Variants in CSMD1 observed in about 807,000 individuals in gnomAD.
The protein encoded by CSMD1 is CUB and sushi domain-containing protein 1.
CSMD1 carries 213 observed loss-of-function variants against 417.5 expected under a neutral mutation model. The observed-to-expected ratio is 0.51, with a 90% CI of 0.46 to 0.57. The LOEUF (loss-of-function observed/expected upper bound fraction) is 0.57. Among genes scored for constraint, CSMD1 ranks in the 20% least tolerant of loss-of-function variants. The probability of loss-of-function intolerance (pLI) is 0.00; values close to 1 mark genes in which losing one functional copy is unlikely to be tolerated. For synonymous variants in CSMD1, 2,862 were observed against 1,736.8 expected (o/e 1.65, Z -16.11); for missense variants, 6,923 against 4,529.7 (o/e 1.53, Z -15.17).
intron 2 of CSMD1, among the ~76,000 whole-genome samples, chr8:4,511,113 A>C (rs972818991): frequency 1.3e-5 from 2 of 152,260 alleles, no homozygotes; most frequent in African/African-American, 4.8e-5. Context: ...AGATGTGAAC[A>C]GAATACCAAC....
chr8:4,490,350 G>C (rs1801639918), intron 2 of CSMD1, among the ~76,000 whole-genome samples: 1 of 152,096 alleles, frequency 6.6e-6, no homozygotes, highest in Admixed American at 6.6e-5. Context: ...CAGATATCTT[G>C]TAAGTGCAAC....
intron 15 of CSMD1, among the ~76,000 whole-genome samples, 171 bp downstream of exon 15, chr8:3,405,856 C>A (rs565749807): frequency 1.3e-5 from 2 of 152,200 alleles, no homozygotes; most frequent in Non-Finnish European, 2.9e-5. Flanking sequence ...GGATCTCAGA[C>A]TTCCAGCCTC....
In CSMD1 at chr8:4,217,288, A is replaced by G. The variant is rs191517345; in HGVS notation, c.416-185189T>C. ...TTGCAGAAGTCTTTCATATAAGCCA[A>G]GTGTCCATGCAAGCACTGTGAATCC... On this transcript the variant is annotated intron_variant, in intron 3 of 69. Transcript: ENST00000635120. 3.9e-5 allele frequency among the ~76,000 whole-genome samples: 6 copies of G among 152,366 alleles called. No individual in the cohort carries two copies. The East Asian group carries it at 1.2e-3, about 29-fold the overall frequency.
chr8:2,994,506 G>A (rs1263805363), intron 54 of CSMD1, among the ~76,000 whole-genome samples: 2 of 152,152 alleles, frequency 1.3e-5, no homozygotes, highest in African/African-American at 2.4e-5. Context: ...ACACGCCATC[G>A]TGCCCACTCA....
At chr8:3,893,364 A>AT (rs981765512) in intron 5 of CSMD1, among the ~76,000 whole-genome samples, 1 of 37,678 alleles carries the variant, frequency 2.7e-5, no homozygotes. Context: ...TATATATATT[A>AT]TTTTTTTTCT....
At chr8:3,500,404 T>A (rs10097116) in intron 10 of CSMD1, among the ~76,000 whole-genome samples, 11,519 of 152,066 alleles carry the variant, frequency 0.076, 457 homozygotes, top group Middle Eastern at 0.099. Flanking sequence ...GTATGGAGCT[T>A]GGGAGAGGTT....
At chr8:4,258,549 TGGAGGGAG>T (rs1290915678) in intron 3 of CSMD1, among the ~76,000 whole-genome samples, 2 of 97,722 alleles carry the variant, frequency 2.0e-5, no homozygotes, top group Non-Finnish European at 4.4e-5. Context: ...AGTGGAACAA[TGGAGGGAG>T]GGAGGGAGGG....
intron 3 of CSMD1, among the ~76,000 whole-genome samples, chr8:4,281,611 A>C (rs573761946): frequency 6.6e-6 from 1 of 152,196 alleles, no homozygotes; most frequent in African/African-American, 2.4e-5. Flanking sequence ...TATAGCCAAA[A>C]GTTAAAGCTT....
At chr8:3,918,307 T>G (rs141607054) in intron 5 of CSMD1, among the ~76,000 whole-genome samples, 1 of 152,220 alleles carries the variant, frequency 6.6e-6, no homozygotes, top group Non-Finnish European at 1.5e-5. Context: ...TGAGCCAATT[T>G]ACATTCCTAC....
chr8:4,009,500 A>G (rs1816382712), intron 4 of CSMD1, among the ~76,000 whole-genome samples: 1 of 152,240 alleles, frequency 6.6e-6, no homozygotes, highest in South Asian at 2.1e-4. Context: ...TGTGTTTACC[A>G]AGCATTTATA....
intron 23 of CSMD1, among the ~76,000 whole-genome samples, chr8:3,327,036 A>G (rs989540249): frequency 5.9e-5 from 9 of 152,202 alleles, no homozygotes; most frequent in African/African-American, 2.2e-4. Flanking sequence ...AAAAAAGACA[A>G]AAAATAAAAA....
rs182699792 is a variant in CSMD1 at position 3,600,580 on chromosome 8, G to A, written c.1098-14320C>T. Among the ~76,000 whole-genome samples the A allele has an allele frequency of 2.6e-3, 397 of 151,966 alleles. 3 individuals are homozygous for A. Among genetic ancestry groups the A allele is most frequent in the Admixed American group, 0.023 (352 of 15,284 alleles). On this transcript the variant is annotated intron_variant, in intron 8 of 69. Coordinates refer to ENST00000635120, the MANE Select transcript of CSMD1 (RefSeq NM_033225.6). ...TCCCATTTACTCACCCAGCTTGCCA[G>A]TATATTCTCTACGATGGCAAGCAAG...
chr8:4,398,324 C>T (rs985668662), intron 3 of CSMD1, among the ~76,000 whole-genome samples: 8 of 149,930 alleles, frequency 5.3e-5, no homozygotes, highest in African/African-American at 2.0e-4. Flanking sequence ...TTTAAATATT[C>T]GTTAGGACTG....
chr8:3,706,981 A>G (rs1199185235), intron 7 of CSMD1, among the ~76,000 whole-genome samples: 1 of 151,876 alleles, frequency 6.6e-6, no homozygotes, highest in Non-Finnish European at 1.5e-5. Flanking sequence ...CCATGCAAAC[A>G]TTTACAGATT....
intron 5 of CSMD1, among the ~76,000 whole-genome samples, chr8:3,844,485 C>T (rs79073374): frequency 0.063 from 9,586 of 152,212 alleles, 893 homozygotes; most frequent in African/African-American, 0.2. Flanking sequence ...AGAGAGCAAT[C>T]TCTTTGGTAA....
chr8:3,194,359 T>A lies in CSMD1; in HGVS notation c.5195-4244A>T, dbSNP rs115950565. Among the ~76,000 whole-genome samples, 673 of 152,004 alleles carry A rather than the reference T, an allele frequency of 4.4e-3. 4 individuals are homozygous for A. Among genetic ancestry groups the A allele is most frequent in the African/African-American group, 0.015 (611 of 41,494 alleles). On this transcript the variant is annotated intron_variant, in intron 33 of 69. Coordinates refer to ENST00000635120, the MANE Select transcript of CSMD1 (RefSeq NM_033225.6). Reference sequence around the variant, plus strand: ...TTTCCTACCCAAACTGAGAAAAAAATATTTCTGTGTTTTTAGGTCTGTTTA... The same window carrying A: ...TTTCCTACCCAAACTGAGAAAAAAAAATTTCTGTGTTTTTAGGTCTGTTTA...
chr8:3,447,616 C>A (rs537009629), intron 12 of CSMD1, among the ~76,000 whole-genome samples: 3 of 152,280 alleles, frequency 2.0e-5, no homozygotes, highest in East Asian at 3.9e-4. Context: ...CACATGTGAT[C>A]ATTTGGCTTC....
At chr8:3,412,997 G>C (rs891472374) in intron 12 of CSMD1, among the ~76,000 whole-genome samples, 2 of 152,126 alleles carry the variant, frequency 1.3e-5, no homozygotes, top group African/African-American at 4.8e-5. Context: ...CACCACATTT[G>C]GTTTTGAATC....
intron 3 of CSMD1, among the ~76,000 whole-genome samples, chr8:4,256,736 C>A (rs947219216): frequency 6.6e-6 from 1 of 152,060 alleles, no homozygotes; most frequent in African/African-American, 2.4e-5. Flanking sequence ...GGCACAGTTA[C>A]GGGCAGTGAG....
Sources: gnomAD v4.1 joint callset for allele counts (sites outside exome capture counted in the v4.1 genomes callset) on GRCh38, gnomAD v4.1.1 for gene constraint, MANE v1.5 for transcripts, NCBI Gene and HGNC (gene_info 2026-07-23, HGNC 2026-07-21) for gene names.